Variants in VWC2L observed in about 807,000 individuals in gnomAD.
VWC2L encodes von Willebrand factor C domain-containing protein 2-like.
VWC2L carries 10 observed loss-of-function variants against 21.6 expected under a neutral mutation model. The ratio of observed to expected loss-of-function variants is 0.46; its 90% CI spans 0.29 to 0.78. VWC2L has a LOEUF of 0.78. Among genes scored for constraint, VWC2L ranks in the 30% least tolerant of loss-of-function variants. The probability of loss-of-function intolerance (pLI) is 0.10; values close to 1 mark genes in which losing one functional copy is unlikely to be tolerated. For synonymous variants in VWC2L, 96 were observed against 94.3 expected, an observed-to-expected ratio of 1.02 and a Z score of -0.10; for missense variants, 209 against 277.1, an observed-to-expected ratio of 0.75 and a Z score of 1.74.
At chr2:214,523,267 A>G (rs58961328) in intron 3 of VWC2L, among the ~76,000 whole-genome samples, 2,158 of 152,314 alleles carry the variant, frequency 0.014, 53 homozygotes, top group African/African-American at 0.049. Context: ...GAAAAGTGTT[A>G]CTGAGTTACC....
At chr2:214,475,619 C>T (rs1041319991) in intron 3 of VWC2L, among the ~76,000 whole-genome samples, 8 of 152,024 alleles carry the variant, frequency 5.3e-5, no homozygotes, top group African/African-American at 1.7e-4. Context: ...GCAATGGAGG[C>T]ACCATTCTGC....
intron 3 of VWC2L, among the ~76,000 whole-genome samples, chr2:214,516,659 A>ATT (rs1689148872): frequency 1.4e-5 from 2 of 146,484 alleles, no homozygotes; most frequent in East Asian, 2.0e-4. Context: ...TTGAAATTAA[A>ATT]AAAAAAAAAA....
At chr2:214,480,986 C>T (rs1173990749) in intron 3 of VWC2L, among the ~76,000 whole-genome samples, 1 of 150,218 alleles carries the variant, frequency 6.7e-6, no homozygotes, top group African/African-American at 2.4e-5. Flanking sequence ...ACTATTATAA[C>T]CTAAAGCCAA....
At chr2:214,569,892 T>C (rs973197573) in intron 3 of VWC2L, among the ~76,000 whole-genome samples, 3 of 152,162 alleles carry the variant, frequency 2.0e-5, no homozygotes, top group Admixed American at 1.3e-4. Flanking sequence ...AAACACAGAC[T>C]GGAAGAGGTG....
chr2:214,543,975 C>T (rs1170018274), intron 3 of VWC2L, among the ~76,000 whole-genome samples: 1 of 152,198 alleles, frequency 6.6e-6, no homozygotes, highest in Non-Finnish European at 1.5e-5. Flanking sequence ...TTGCAAGTTA[C>T]AGGAATGTTT....
chr2:214,458,226 T>G (rs1409351982), intron 3 of VWC2L, among the ~76,000 whole-genome samples: 1 of 152,088 alleles, frequency 6.6e-6, no homozygotes, highest in Non-Finnish European at 1.5e-5. Context: ...TAACATACAG[T>G]TTTTCATACA....
chr2:214,501,103 C>T (rs560075057), intron 3 of VWC2L, among the ~76,000 whole-genome samples: 1 of 152,184 alleles, frequency 6.6e-6, no homozygotes, highest in South Asian at 2.1e-4. Context: ...GTTTATTAGC[C>T]AGTAAGCCAA....
chr2:214,560,226 C>A lies in VWC2L; in HGVS notation c.521-15446C>A, dbSNP rs565847014. On this transcript the variant is annotated intron_variant, in intron 3 of 3. Coordinates refer to ENST00000312504, the MANE Select transcript of VWC2L (RefSeq NM_001080500.4). ...GTGTAATAATGTGTTACTATAAAAA[C>A]CATGGAAATGTTAGCAGGGCATCTT... Among the ~76,000 whole-genome samples the A allele has an allele frequency of 1.1e-4, 16 of 152,226 alleles. No individual in the cohort carries two copies. The South Asian group carries it at 3.3e-3, about 32-fold the overall frequency.
chr2:214,420,455 G>A (rs1702422328), intron 2 of VWC2L, among the ~76,000 whole-genome samples: 1 of 152,158 alleles, frequency 6.6e-6, no homozygotes, highest in Admixed American at 6.5e-5. Context: ...ACTTTGCACA[G>A]CACAATTCAC....
intron 2 of VWC2L, chr2:214,436,326 C>G: frequency 4.2e-6 from 1 of 235,344 alleles, no homozygotes; most frequent in South Asian, 8.9e-5. Context: ...ATCTGGAAAA[C>G]AAACCAGGAG....
intron 3 of VWC2L, chr2:214,525,026 AGAG>A (rs1169296293): frequency 7.5e-6 from 1 of 133,628 alleles, no homozygotes; most frequent in Non-Finnish European, 1.6e-5. Flanking sequence ...GGGTGCAAGA[AGAG>A]TTCTCTCTCT....
chr2:214,542,812 CAA>C (rs1170669778), intron 3 of VWC2L, among the ~76,000 whole-genome samples: 1 of 152,258 alleles, frequency 6.6e-6, no homozygotes, highest in East Asian at 1.9e-4. Context: ...ACACTTTCAT[CAA>C]AGACATATTT....
rs5838439 is a variant in VWC2L at position 214,514,157 on chromosome 2, GTTT to G, written c.521-61505_521-61503del. The stretch of plus-strand genomic sequence containing the variant: ...GCAGTTGTTAAGGTTCATATCAAAG[GTTT>G]TTTTTTTTTCTGTAATCATTTACTT... On this transcript the variant is annotated intron_variant, in intron 3 of 3. Coordinates refer to ENST00000312504, the MANE Select transcript of VWC2L (RefSeq NM_001080500.4). Among the ~76,000 whole-genome samples the G allele has an allele frequency of 1.5e-4, 22 of 148,786 alleles. No individual in the cohort carries two copies. The East Asian group carries it at 1.8e-3, about 12-fold the overall frequency.
intron 3 of VWC2L, among the ~76,000 whole-genome samples, chr2:214,551,500 TACTC>T (rs1388568018): frequency 1.3e-5 from 2 of 152,206 alleles, no homozygotes; most frequent in South Asian, 2.1e-4. Flanking sequence ...AACAAAAAAT[TACTC>T]AGAGAGAAAT....
chr2:214,526,903 A>G (rs1689348078), intron 3 of VWC2L, among the ~76,000 whole-genome samples: 1 of 152,134 alleles, frequency 6.6e-6, no homozygotes, highest in South Asian at 2.1e-4. Flanking sequence ...AGACACATAC[A>G]CTCATATATT....
At chr2:214,457,584 A>T (rs1703074917) in intron 3 of VWC2L, among the ~76,000 whole-genome samples, 2 of 152,008 alleles carry the variant, frequency 1.3e-5, no homozygotes, top group African/African-American at 4.8e-5. Context: ...AGAAAAAAAG[A>T]CTTTCAGCTT....
chr2:214,442,455 A>C lies in VWC2L; in HGVS notation c.520+5697A>C, dbSNP rs200910381. ...AATTATTATCTCACTAAAAAATCAA[A>C]TTAGATTATTTTTAAACCCCTTTTT... On this transcript the variant is annotated intron_variant, in intron 3 of 3. Coordinates refer to ENST00000312504, the MANE Select transcript of VWC2L (RefSeq NM_001080500.4). 4.1e-3 allele frequency among the ~76,000 whole-genome samples: 627 copies of C among 152,314 alleles called. 14 individuals are homozygous for C. Among genetic ancestry groups the C allele is most frequent in the Admixed American group, 0.036 (554 of 15,306 alleles).
At chr2:214,440,843 T>C (rs1481441767) in intron 3 of VWC2L, among the ~76,000 whole-genome samples, 7 of 152,168 alleles carry the variant, frequency 4.6e-5, no homozygotes, top group Non-Finnish European at 1.0e-4. Context: ...CATTTGATCA[T>C]TGGAGCATCC....
intron 3 of VWC2L, among the ~76,000 whole-genome samples, chr2:214,445,146 TCA>T (rs1022000252): frequency 6.6e-6 from 1 of 151,942 alleles, no homozygotes; most frequent in Non-Finnish European, 1.5e-5. Context: ...ACAAGCATTC[TCA>T]CACACTACTG....
Sources: gnomAD v4.1 joint callset for allele counts (sites outside exome capture counted in the v4.1 genomes callset) on GRCh38, gnomAD v4.1.1 for gene constraint, MANE v1.5 for transcripts, NCBI Gene and HGNC (gene_info 2026-07-23, HGNC 2026-07-21) for gene names.